The following PLXNA4 variants were observed in gnomAD, a reference collection of about 807,000 sequenced individuals.
PLXNA4 encodes the protein plexin A4, also known as plexin-A4.
In PLXNA4, 44 loss-of-function variants were observed where a neutral mutation model predicts 191.8. The ratio of observed to expected loss-of-function variants is 0.23; its 90% CI spans 0.18 to 0.29. The LOEUF (loss-of-function observed/expected upper bound fraction) is 0.29, where lower values mean the gene tolerates loss of function less well. PLXNA4 is among the 10% of genes least tolerant of loss of function. The probability of loss-of-function intolerance (pLI) is 1.00; values close to 1 mark genes in which losing one functional copy is unlikely to be tolerated. For synonymous variants in PLXNA4, 1,082 were observed against 1,009.5 expected (o/e 1.07, Z -1.36); for missense variants, 1,800 against 2,488.8 (o/e 0.72, Z 5.89).
intron 24 of PLXNA4, among the ~76,000 whole-genome samples, chr7:132,159,985 T>C (rs138818047): frequency 2.6e-5 from 4 of 152,320 alleles, no homozygotes; most frequent in African/African-American, 7.2e-5. Context: ...AGTGCATGCA[T>C]GCACACGTGC....
intron 4 of PLXNA4, among the ~76,000 whole-genome samples, chr7:132,297,262 C>A (rs934989679): frequency 6.6e-6 from 1 of 152,164 alleles, no homozygotes; most frequent in Non-Finnish European, 1.5e-5. Flanking sequence ...CCGAGAATGA[C>A]CCATCCTCCA....
intron 2 of PLXNA4, among the ~76,000 whole-genome samples, chr7:132,623,812 A>G (rs910089637): frequency 6.6e-6 from 1 of 152,230 alleles, no homozygotes; most frequent in Admixed American, 6.5e-5. Flanking sequence ...CCTCACCCAA[A>G]GGTGGCAGAC....
chr7:132,389,262 G>A (rs1044519143), intron 3 of PLXNA4, among the ~76,000 whole-genome samples: 1 of 152,090 alleles, frequency 6.6e-6, no homozygotes, highest in African/African-American at 2.4e-5. Context: ...GAAGCTCTTT[G>A]GTTTAATCAG....
chr7:132,233,031 T>G (rs969105126), intron 5 of PLXNA4, among the ~76,000 whole-genome samples: 1 of 152,152 alleles, frequency 6.6e-6, no homozygotes, highest in Non-Finnish European at 1.5e-5. Flanking sequence ...ATCCTTAACA[T>G]TTCACATTTG....
At chr7:132,633,911 C>T (rs903809263) in intron 2 of PLXNA4, among the ~76,000 whole-genome samples, 1 of 152,138 alleles carries the variant, frequency 6.6e-6, no homozygotes, top group East Asian at 1.9e-4. Context: ...CCACTCAGCA[C>T]ACACAGCAAC....
intron 10 of PLXNA4, 28 bp from the exon 11 acceptor site, chr7:132,203,447 A>G: frequency 6.2e-7 from 1 of 1,600,096 alleles, no homozygotes; most frequent in Non-Finnish European, 8.6e-7. Flanking sequence ...AGGAGGAAAG[A>G]AGAAAGTGGG....
At chr7:132,369,147 C>A (rs928970389) in intron 3 of PLXNA4, among the ~76,000 whole-genome samples, 1 of 152,188 alleles carries the variant, frequency 6.6e-6, no homozygotes, top group Non-Finnish European at 1.5e-5. Context: ...AACGCCTCTG[C>A]CATTTGACCA....
chr7:132,205,499 G>T (rs114003656), intron 10 of PLXNA4, among the ~76,000 whole-genome samples: 1 of 152,128 alleles, frequency 6.6e-6, no homozygotes, highest in Non-Finnish European at 1.5e-5. Flanking sequence ...GTGTGTGTTT[G>T]TGTGTTTGTG....
intron 2 of PLXNA4, among the ~76,000 whole-genome samples, chr7:132,497,735 A>G (rs1322887568): frequency 6.6e-6 from 1 of 152,162 alleles, no homozygotes; most frequent in Non-Finnish European, 1.5e-5. Flanking sequence ...AAGTCTCTTG[A>G]AAGCAAGCCA....
At chr7:132,620,832 A>G (rs936365609) in intron 2 of PLXNA4, among the ~76,000 whole-genome samples, 5 of 152,152 alleles carry the variant, frequency 3.3e-5, no homozygotes, top group Non-Finnish European at 7.3e-5. Flanking sequence ...GAATACCATC[A>G]ACCGGGTGGC....
intron 4 of PLXNA4, among the ~76,000 whole-genome samples, chr7:132,278,258 A>C (rs556159303): frequency 7.9e-5 from 12 of 152,214 alleles, no homozygotes; most frequent in African/African-American, 2.6e-4. Flanking sequence ...ATCTTTTTGC[A>C]CGGCGCCAGG....
At chr7:132,402,534 T>C (rs1019980741) in intron 3 of PLXNA4, among the ~76,000 whole-genome samples, 1 of 152,202 alleles carries the variant, frequency 6.6e-6, no homozygotes, top group South Asian at 2.1e-4. Context: ...AGTGTGCTGC[T>C]GCAGGCTGCC....
At chr7:132,184,357 C>T (rs1325193775) in intron 16 of PLXNA4, among the ~76,000 whole-genome samples, 1 of 152,252 alleles carries the variant, frequency 6.6e-6, no homozygotes, top group Non-Finnish European at 1.5e-5. Flanking sequence ...GGCTGGTAAG[C>T]AGTGGAGCTG....
chr7:132,140,524 G>T, intron 30 of PLXNA4, 75 bp downstream of exon 30: 1 of 1,568,470 alleles, frequency 6.4e-7, no homozygotes, highest in Admixed American at 1.9e-5. Context: ...TTTTTGATGG[G>T]GAGGGGACCT....
At chr7:132,331,802 G>A (rs1004160988) in intron 3 of PLXNA4, among the ~76,000 whole-genome samples, 4 of 152,246 alleles carry the variant, frequency 2.6e-5, no homozygotes, top group Admixed American at 6.5e-5. Context: ...TGTGCCCTGT[G>A]AGGTACAGGG....
At chr7:132,494,003 G>T (rs1797908177) in intron 2 of PLXNA4, among the ~76,000 whole-genome samples, 1 of 152,182 alleles carries the variant, frequency 6.6e-6, no homozygotes, top group African/African-American at 2.4e-5. Context: ...CTGTGGTGAG[G>T]ATTAAATAAT....
At chr7:132,210,116 A>G (rs1386899695) in intron 10 of PLXNA4, among the ~76,000 whole-genome samples, 1 of 152,242 alleles carries the variant, frequency 6.6e-6, no homozygotes, top group Non-Finnish European at 1.5e-5. Flanking sequence ...GCAGTGAAGA[A>G]AAACTTTAAA....
chr7:132,431,912 C>T (rs1795277882), intron 3 of PLXNA4, among the ~76,000 whole-genome samples: 1 of 152,172 alleles, frequency 6.6e-6, no homozygotes, highest in African/African-American at 2.4e-5. Context: ...GAGGATAGGA[C>T]CTCGCCTCTC....
At chr7:132,304,509 T>G (rs1000795191) in intron 3 of PLXNA4, among the ~76,000 whole-genome samples, 1 of 152,224 alleles carries the variant, frequency 6.6e-6, no homozygotes, top group Non-Finnish European at 1.5e-5. Flanking sequence ...ATAAAAATTT[T>G]ATTGAGATAT....
Sources: allele counts gnomAD v4.1 joint callset (sites outside exome capture counted in the v4.1 genomes callset), GRCh38; gene constraint gnomAD v4.1.1; transcripts MANE v1.5; gene names NCBI Gene and HGNC (gene_info 2026-07-23, HGNC 2026-07-21).